Variants in IRS1 observed in about 807,000 individuals in gnomAD.
IRS1 encodes the protein insulin receptor substrate 1.
Under a neutral mutation model 65.6 loss-of-function variants are expected in IRS1, and 34 were observed. The observed-to-expected ratio is 0.52, with a 90% CI of 0.39 to 0.69. The LOEUF is 0.69. IRS1 is among the 30% of genes least tolerant of loss of function. The pLI is 0.00. For missense variants in IRS1, 1,641 were observed against 1,720.2 expected, an observed-to-expected ratio of 0.95 and a Z score of 0.81; for synonymous variants, 699 against 683.5, an observed-to-expected ratio of 1.02 and a Z score of -0.35.
chr2:226,760,392 G>A (rs1938893236), intron 1 of IRS1, among the ~76,000 whole-genome samples: 1 of 152,182 alleles, frequency 6.6e-6, no homozygotes, highest in Admixed American at 6.5e-5. Flanking sequence ...TCCTCAGAGA[G>A]AGTTGAAAAT....
intron 1 of IRS1, among the ~76,000 whole-genome samples, chr2:226,784,686 G>C (rs753204751): frequency 3.9e-5 from 6 of 152,168 alleles, no homozygotes; most frequent in Non-Finnish European, 7.4e-5. Context: ...GCCTCCCAAA[G>C]TGCTGGGATT....
chr2:226,742,437 C>CA (rs1204925356), intron 1 of IRS1, among the ~76,000 whole-genome samples: 1 of 152,152 alleles, frequency 6.6e-6, no homozygotes, highest in East Asian at 1.9e-4. Context: ...TCTCAAATGG[C>CA]AAAGGGTAAG....
In IRS1 at chr2:226,799,590, G is replaced by T. The variant is rs564109010; in HGVS notation, c.-852C>A. 22 of 1,022,408 alleles carry T rather than the reference G, an allele frequency of 2.2e-5. No individual in the cohort carries two copies. Among genetic ancestry groups the T allele is most frequent in the Non-Finnish European group, 2.4e-5 (20 of 843,528 alleles). 63.3% of individuals were successfully genotyped at this position (1,022,408 alleles called of 1,614,324 possible). On this transcript the variant is annotated 5_prime_UTR_variant, in exon 1 of 2. Transcript: ENST00000305123. This position sits in a 1 kb window ranked among gnomAD's most constrained non-coding sequence, Gnocchi z 6.1. Reference sequence around the variant, plus strand: ...ACAAGGGCGAGAGGGGATGGGGGAGGTTTGGGAAGGGTTCGGGGAAGACGC... The same window carrying T: ...ACAAGGGCGAGAGGGGATGGGGGAGTTTTGGGAAGGGTTCGGGGAAGACGC...
chr2:226,766,150 T>TAC (rs1939038335), intron 1 of IRS1, among the ~76,000 whole-genome samples: 1 of 10,096 alleles, frequency 9.9e-5, no homozygotes, highest in Non-Finnish European at 2.4e-4. Context: ...TATATATATA[T>TAC]ATATATATAT....
intron 1 of IRS1, among the ~76,000 whole-genome samples, chr2:226,749,447 A>T (rs1938628560): frequency 1.3e-5 from 2 of 152,234 alleles, no homozygotes; most frequent in South Asian, 4.1e-4. Flanking sequence ...TTTCCAGTAG[A>T]AACAAAGACC....
In IRS1 at chr2:226,796,358, C is replaced by G; in HGVS notation, c.2381G>C (p.Ser794Thr). The G allele has an allele frequency of 6.2e-7, 1 of 1,613,412 alleles. No individual in the cohort carries two copies. Among genetic ancestry groups the G allele is most frequent in the Non-Finnish European group, 8.5e-7 (1 of 1,180,040 alleles). ...ARHQHLRLST[S>T]SGRLLYAATA... ...TGCAGCATAGAGAAGGCGACCAGAGCTAGTGGAAAGGCGGAGGTGCTGATG... is the reference window on the plus strand; with the variant it reads ...TGCAGCATAGAGAAGGCGACCAGAGGTAGTGGAAAGGCGGAGGTGCTGATG... Residue 794 changes from serine (S) to threonine (T), a missense_variant, in exon 1 of 2, where the codon AGC becomes ACC. Ser to Thr is a moderately conservative substitution (Grantham distance 58). Transcript: ENST00000305123.
At chr2:226,783,656 A>G (rs1365707950) in intron 1 of IRS1, among the ~76,000 whole-genome samples, 1 of 152,242 alleles carries the variant, frequency 6.6e-6, no homozygotes, top group African/African-American at 2.4e-5. Flanking sequence ...ATTTTATTCT[A>G]AATGTTCAAC....
intron 1 of IRS1, among the ~76,000 whole-genome samples, chr2:226,738,318 C>T (rs763225089): frequency 3.9e-5 from 6 of 152,202 alleles, no homozygotes; most frequent in Non-Finnish European, 7.3e-5. Flanking sequence ...ATCTTTTTCC[C>T]TCTGTCTCCT....
In IRS1 at chr2:226,798,135, C is replaced by G. The variant is rs1440021451; in HGVS notation, c.604G>C (p.Ala202Pro). 16 of 1,614,050 alleles carry G rather than the reference C, an allele frequency of 9.9e-6. No individual in the cohort carries two copies. Among genetic ancestry groups the G allele is most frequent in the Non-Finnish European group, 1.3e-5 (15 of 1,180,036 alleles). ...ISFVKLNSEA[A>P]AVVLQLMNIR... ...TTCATCAGCTGCAGCACCACGGCCGCTGCCTCCGAGTTCAGCTTCACGAAG... is the reference window on the plus strand; with the variant it reads ...TTCATCAGCTGCAGCACCACGGCCGGTGCCTCCGAGTTCAGCTTCACGAAG... The change falls in exon 1 of 2, where the codon GCG becomes CCG. Residue 202 changes from alanine to proline, a missense_variant. This residue lies in a region of IRS1 where 77 missense variants were observed against 129.6 expected (regional missense o/e 0.59). Coordinates refer to ENST00000305123, the MANE Select transcript of IRS1 (RefSeq NM_005544.3). The surrounding 1 kb of genome is among the most constrained non-coding windows in gnomAD (Gnocchi z 9.4).
In IRS1 at chr2:226,792,799, C is replaced by T. The variant is rs1313245361; in HGVS notation, c.*21+2190G>A. On this transcript the variant is annotated intron_variant, in intron 1 of 1. Coordinates refer to ENST00000305123, the MANE Select transcript of IRS1 (RefSeq NM_005544.3). ...TTCGGAGCAGAAGCTGTTTGCCACT[C>T]ACAGGTCTGACTTCTGTCTGTTTCA... is the stretch of plus-strand genomic sequence containing the variant. Among the ~76,000 whole-genome samples, 4 of 151,886 alleles carry T rather than the reference C, an allele frequency of 2.6e-5. No homozygotes were observed. The South Asian group carries it at 6.2e-4, about 24-fold the overall frequency.
At chr2:226,782,059 C>T (rs115410589) in intron 1 of IRS1, among the ~76,000 whole-genome samples, 1 of 151,850 alleles carries the variant, frequency 6.6e-6, no homozygotes, top group East Asian at 1.9e-4. Flanking sequence ...GAATGGGATT[C>T]GCTTTGAAAG....
At chr2:226,771,266 G>C (rs1273686440) in intron 1 of IRS1, among the ~76,000 whole-genome samples, 1 of 152,208 alleles carries the variant, frequency 6.6e-6, no homozygotes, top group Non-Finnish European at 1.5e-5. Flanking sequence ...CTGCTGAGGA[G>C]TTTATAGCTG....
At chr2:226,757,028 C>A (rs1574646638) in intron 1 of IRS1, among the ~76,000 whole-genome samples, 1 of 152,092 alleles carries the variant, frequency 6.6e-6, no homozygotes, top group African/African-American at 2.4e-5. Context: ...CTTTCCCTAA[C>A]AGGCTGTATG....
chr2:226,766,638 C>T (rs768777143), intron 1 of IRS1, among the ~76,000 whole-genome samples: 7 of 152,138 alleles, frequency 4.6e-5, no homozygotes, highest in Non-Finnish European at 8.8e-5. Flanking sequence ...GCATCTTTCA[C>T]AAAAGGTGTA....
intron 1 of IRS1, among the ~76,000 whole-genome samples, chr2:226,740,462 C>T (rs930755748): frequency 6.6e-6 from 1 of 152,134 alleles, no homozygotes; most frequent in African/African-American, 2.4e-5. Flanking sequence ...CCCACTTAAA[C>T]TATGCCTATA....
At chr2:226,766,462 C>T (rs1306266660) in intron 1 of IRS1, among the ~76,000 whole-genome samples, 3 of 151,602 alleles carry the variant, frequency 2.0e-5, no homozygotes, top group East Asian at 3.9e-4. Context: ...CACGCCCAGC[C>T]AATCCTATAC....
intron 1 of IRS1, among the ~76,000 whole-genome samples, chr2:226,756,959 TAATAAATA>T (rs71036150): frequency 0.063 from 9,169 of 145,212 alleles, 447 homozygotes; most frequent in African/African-American, 0.13. Flanking sequence ...AGACTCCGTC[TAATAAATA>T]AATAAATAAA....
At chr2:226,768,160 C>T (rs1388821038) in intron 1 of IRS1, among the ~76,000 whole-genome samples, 1 of 152,182 alleles carries the variant, frequency 6.6e-6, no homozygotes, top group Non-Finnish European at 1.5e-5. Flanking sequence ...TCCCTTACTT[C>T]ACTCAGATGT....
rs550235011 is a variant in IRS1 at position 226,733,687 on chromosome 2, A to G, written c.*2585T>C. The G allele has an allele frequency of 1.2e-4, 18 of 152,240 alleles. No homozygotes were observed. Among genetic ancestry groups the G allele is most frequent in the African/African-American group, 4.3e-4 (18 of 41,562 alleles). The allele number at this position is 152,240 out of a possible 1,614,324, so 9.4% of individuals were successfully genotyped here. On this transcript the variant is annotated 3_prime_UTR_variant, in exon 2 of 2. Coordinates refer to ENST00000305123, the MANE Select transcript of IRS1 (RefSeq NM_005544.3). The stretch of plus-strand genomic sequence containing the variant: ...AATGCTTTGAAATGGATAAAAGCCA[A>G]CTCTCCTCAATGGGAACTGAACACA...
Sources: allele counts gnomAD v4.1 joint callset (sites outside exome capture counted in the v4.1 genomes callset), GRCh38; gene constraint gnomAD v4.1.1; regional missense constraint gnomAD v4.1.1; non-coding constraint Gnocchi (gnomAD v3.1); transcripts MANE v1.5; gene names NCBI Gene and HGNC (gene_info 2026-07-23, HGNC 2026-07-21).